Variants in TENT2 observed in about 807,000 individuals in gnomAD.
TENT2 encodes poly(A) RNA polymerase GLD2.
Under a neutral mutation model 72.2 loss-of-function variants are expected in TENT2, and 44 were observed. That is an observed-to-expected ratio of 0.61 (90% CI 0.48 to 0.78). The LOEUF (loss-of-function observed/expected upper bound fraction) is 0.78. Ranked by LOEUF, TENT2 falls within the 30% of genes least tolerant of loss-of-function variation. The probability of loss-of-function intolerance (pLI) is 0.00; values close to 1 mark genes in which losing one functional copy is unlikely to be tolerated. For missense variants in TENT2, 541 were observed against 569.6 expected (o/e 0.95, Z 0.51); for synonymous variants, 212 against 192.5 (o/e 1.10, Z -0.84).
intron 4 of TENT2, among the ~76,000 whole-genome samples, chr5:79,639,423 AT>A (rs529841687): frequency 6.7e-6 from 1 of 150,336 alleles, no homozygotes. Flanking sequence ...ATGATTTTTA[AT>A]TTTTTTTTCA....
At chr5:79,624,595 A>G (rs964150259) in intron 4 of TENT2, among the ~76,000 whole-genome samples, 2 of 152,194 alleles carry the variant, frequency 1.3e-5, no homozygotes, top group Non-Finnish European at 2.9e-5. Flanking sequence ...CTCCCTGGCA[A>G]CAACTAATCT....
chr5:79,685,057 C>CA, intron 14 of TENT2, 142 bp from the exon 15 acceptor site: 1 of 679,276 alleles, frequency 1.5e-6, no homozygotes, highest in Non-Finnish European at 2.4e-6. Context: ...GACCTTATCT[C>CA]AAAAAAAGAA....
At chr5:79,667,434 A>G (rs1380974215) in intron 11 of TENT2, among the ~76,000 whole-genome samples, 2 of 152,092 alleles carry the variant, frequency 1.3e-5, no homozygotes, top group Non-Finnish European at 2.9e-5. Flanking sequence ...GTTAAAGGGG[A>G]ATAGAGGCAC....
chr5:79,634,171 A>C (rs1778181811), intron 4 of TENT2, among the ~76,000 whole-genome samples: 2 of 151,276 alleles, frequency 1.3e-5, no homozygotes, highest in South Asian at 2.1e-4. Flanking sequence ...AAAAAAAAAA[A>C]AACTTTCTGA....
At chr5:79,637,144 G>A (rs1328876237) in intron 4 of TENT2, among the ~76,000 whole-genome samples, 11 of 152,062 alleles carry the variant, frequency 7.2e-5, no homozygotes, top group Non-Finnish European at 1.3e-4. Context: ...TGAGATGGGA[G>A]GATTGCTTGA....
At chr5:79,614,318 G>C (rs1757767764) in intron 1 of TENT2, among the ~76,000 whole-genome samples, 1 of 151,990 alleles carries the variant, frequency 6.6e-6, no homozygotes, top group Non-Finnish European at 1.5e-5. Flanking sequence ...GGCCAGGCTG[G>C]TCTCCAACTC....
At chr5:79,635,174 C>A (rs1391861484) in intron 4 of TENT2, among the ~76,000 whole-genome samples, 3 of 152,028 alleles carry the variant, frequency 2.0e-5, no homozygotes, top group Non-Finnish European at 4.4e-5. Context: ...CAACAGTGAG[C>A]CATCTCCTGG....
At chr5:79,614,392 T>C (rs940296497) in intron 1 of TENT2, among the ~76,000 whole-genome samples, 1 of 152,210 alleles carries the variant, frequency 6.6e-6, no homozygotes, top group Non-Finnish European at 1.5e-5. Flanking sequence ...CGTGAGCCAC[T>C]GTGCCCGGCC....
intron 13 of TENT2, among the ~76,000 whole-genome samples, chr5:79,679,896 T>TG (rs1820385876): frequency 6.6e-6 from 1 of 152,214 alleles, no homozygotes; most frequent in Non-Finnish European, 1.5e-5. Context: ...AGATTCGAGC[T>TG]GTCTTTATCC....
Position 79,623,415 on chromosome 5 carries a change from A to G in TENT2, c.391A>G (p.Arg131Gly), listed in dbSNP as rs1766728772. 6.2e-7 allele frequency: 1 copy of G among 1,612,696 alleles called. No homozygotes were observed. The highest frequency in any genetic ancestry group is 8.5e-7 in the Non-Finnish European group (1 of 1,179,302). Residue 131 changes from arginine (R) to glycine (G), a missense_variant, in exon 4 of 15, where the codon AGA becomes GGA. Coordinates refer to ENST00000453514, the MANE Select transcript of TENT2 (RefSeq NM_001114394.3). ...FHTHYVPDIV[R>G]CVPPFREIAF... ...TACACATTATGTACCAGATATAGTC[A>G]GATGTGTTCCACCTTTTCGAGAAAT...
At chr5:79,660,291 T>A (rs1727431271) in intron 11 of TENT2, among the ~76,000 whole-genome samples, 1 of 152,162 alleles carries the variant, frequency 6.6e-6, no homozygotes, top group African/African-American at 2.4e-5. Flanking sequence ...GGGTACGTTA[T>A]TCAGTTGAAT....
intron 13 of TENT2, 53 bp from the exon 14 acceptor site, chr5:79,681,929 C>A (rs141162518): frequency 2.1e-6 from 3 of 1,457,606 alleles, no homozygotes; most frequent in African/African-American, 2.8e-5. Flanking sequence ...AAAAAAGAAA[C>A]TGTAGCTCTC....
chr5:79,651,675 A>G (rs1171307483), intron 10 of TENT2, among the ~76,000 whole-genome samples: 3 of 151,888 alleles, frequency 2.0e-5, no homozygotes, highest in African/African-American at 4.8e-5. Flanking sequence ...ATTTTTTCAT[A>G]TTTATCTTAA....
chr5:79,632,551 A>G (rs530797900), intron 4 of TENT2, among the ~76,000 whole-genome samples: 23 of 152,260 alleles, frequency 1.5e-4, no homozygotes, highest in Admixed American at 1.4e-3. Flanking sequence ...ATGTGAATTG[A>G]CTTATTTGAT....
rs902800932 is a variant in TENT2, at chr5:79,686,053, G to A, written c.*780G>A. ...GTGCTTTACGATAGCTTAGTGCAAT[G>A]TGCACTTCTGTTTTACTTGCCATTT... On this transcript the variant is annotated 3_prime_UTR_variant, in exon 15 of 15. Coordinates refer to ENST00000453514, the MANE Select transcript of TENT2 (RefSeq NM_001114394.3). The A allele has an allele frequency of 2.2e-4, 34 of 152,638 alleles. No homozygotes were observed. Among genetic ancestry groups the A allele is most frequent in the African/African-American group, 7.5e-4 (31 of 41,552 alleles). The allele number at this position is 152,638 out of a possible 1,614,324, so 9.5% of individuals were successfully genotyped here.
chr5:79,655,097 A>G (rs1015181989), intron 10 of TENT2, among the ~76,000 whole-genome samples: 10 of 152,196 alleles, frequency 6.6e-5, no homozygotes, highest in African/African-American at 2.2e-4. Context: ...AATAGTTGTT[A>G]TAGTCAGATT....
intron 4 of TENT2, among the ~76,000 whole-genome samples, chr5:79,626,169 T>A (rs530819830): frequency 6.6e-6 from 1 of 152,150 alleles, no homozygotes; most frequent in East Asian, 1.9e-4. Context: ...AGGCTCTTGC[T>A]GTCATGCCCA....
At chr5:79,653,314 T>C (rs1795550568) in intron 10 of TENT2, among the ~76,000 whole-genome samples, 1 of 151,886 alleles carries the variant, frequency 6.6e-6, no homozygotes, top group Admixed American at 6.6e-5. Context: ...GTGAGACTCC[T>C]CCATCTACAA....
intron 12 of TENT2, among the ~76,000 whole-genome samples, chr5:79,677,953 C>G (rs917012269): frequency 6.6e-6 from 1 of 152,110 alleles, no homozygotes; most frequent in Admixed American, 6.6e-5. Context: ...GGCGCCACCA[C>G]GCCTGCTACT....
Sources: allele counts gnomAD v4.1 joint callset (sites outside exome capture counted in the v4.1 genomes callset), GRCh38; gene constraint gnomAD v4.1.1; transcripts MANE v1.5; gene names NCBI Gene and HGNC (gene_info 2026-07-23, HGNC 2026-07-21).